The following KCNG4 variants were observed in gnomAD, a reference collection of about 807,000 sequenced individuals.
The protein encoded by KCNG4 is voltage-gated potassium channel regulatory subunit KCNG4.
In KCNG4, 30 loss-of-function variants were observed where a neutral mutation model predicts 28.2. The ratio of observed to expected loss-of-function variants is 1.06; its 90% CI spans 0.80 to 1.44. The LOEUF is 1.44. Among genes scored for constraint, KCNG4 ranks in the 40% most tolerant of loss-of-function variants. The pLI is 0.00. For missense variants in KCNG4, 879 were observed against 712.3 expected, an observed-to-expected ratio of 1.23 and a Z score of -2.66; for synonymous variants, 375 against 315.5, an observed-to-expected ratio of 1.19 and a Z score of -2.00.
intron 2 of KCNG4, among the ~76,000 whole-genome samples, chr16:84,232,578 C>T (rs756874951): frequency 3.9e-5 from 6 of 152,036 alleles, no homozygotes; most frequent in Non-Finnish European, 7.4e-5. Context: ...TGCTCAATTT[C>T]ATGTTATGTA....
At chr16:84,233,396 G>A (rs113403018) in intron 2 of KCNG4, among the ~76,000 whole-genome samples, 61 of 152,274 alleles carry the variant, frequency 4.0e-4, no homozygotes, top group African/African-American at 1.3e-3. Flanking sequence ...GACTAGAGGC[G>A]AAGTGGCCCA....
At chr16:84,236,562 T>C in intron 2 of KCNG4, 168 bp downstream of exon 2, 1 of 886,938 alleles carries the variant, frequency 1.1e-6, no homozygotes, top group Non-Finnish European at 1.6e-6. Context: ...AGATGGAAAA[T>C]TATCTTTTAT....
In KCNG4 at chr16:84,222,479, A is replaced by G. The variant is rs867981926; in HGVS notation, c.1298T>C (p.Met433Thr). The change falls in exon 3 of 3, where the codon ATG becomes ACG. Residue 433 changes from methionine to threonine, a missense_variant. Physicochemically the swap from Met to Thr is moderately conservative, Grantham distance 81. Coordinates refer to ENST00000308251, the MANE Select transcript of KCNG4 (RefSeq NM_172347.3). ...GCTCAGGATGCTGCTGAGGGCCACC[A>G]TCTGGCCTGGCACACTGCGGGGCAC... ...DMVPRSVPGQMVALSSILSGI... is the reference protein window; with the variant it reads ...DMVPRSVPGQTVALSSILSGI... The G allele has an allele frequency of 3.1e-6, 5 of 1,613,780 alleles. No homozygotes were observed. The African/African-American group carries it at 4.0e-5, about 13-fold the overall frequency.
chr16:84,237,079 T>A lies in KCNG4; in HGVS notation c.407A>T (p.Gln136Leu), dbSNP rs375162536. The A allele has an allele frequency of 8.1e-6, 13 of 1,613,956 alleles. No individual in the cohort carries two copies. Among genetic ancestry groups the A allele is most frequent in the Non-Finnish European group, 9.3e-6 (11 of 1,180,008 alleles). ...FLAAGKLVLL[Q>L]EMCALSFQEE... Reference sequence around the variant, plus strand: ...CTGGAAGGACAGCGCGCACATCTCCTGCAGAAGCACCAGCTTCCCGGCCGC... The same window carrying A: ...CTGGAAGGACAGCGCGCACATCTCCAGCAGAAGCACCAGCTTCCCGGCCGC... The change falls in exon 2 of 3, where the codon CAG (glutamine) becomes CTG (leucine). Residue 136 changes from glutamine (Q) to leucine (L), a missense_variant. Transcript: ENST00000308251.
chr16:84,224,616 G>A (rs1904656267), intron 2 of KCNG4, among the ~76,000 whole-genome samples: 1 of 152,210 alleles, frequency 6.6e-6, no homozygotes, highest in Non-Finnish European at 1.5e-5. Flanking sequence ...CCTGGCTGCT[G>A]GAGAAAGAGA....
rs1194274599 is a variant in KCNG4, at chr16:84,226,804, G to C, written c.757-3784C>G. Among the ~76,000 whole-genome samples the C allele has an allele frequency of 6.6e-6, 1 of 151,794 alleles. No individual in the cohort carries two copies. Among genetic ancestry groups the C allele is most frequent in the Non-Finnish European group, 1.5e-5 (1 of 67,930 alleles). On this transcript the variant is annotated intron_variant, in intron 2 of 2. Transcript: ENST00000308251. The surrounding 1 kb of genome is among the most constrained non-coding windows in gnomAD (Gnocchi z 4.1). Reference sequence around the variant, plus strand: ...TGAGGCAGGAGAATGGCTTGGACCTGGTAGGCGGAGGTTGCAGTGAGCCGA... The same window carrying C: ...TGAGGCAGGAGAATGGCTTGGACCTCGTAGGCGGAGGTTGCAGTGAGCCGA...
intron 2 of KCNG4, among the ~76,000 whole-genome samples, chr16:84,229,151 T>G (rs441440): frequency 0.025 from 3,763 of 152,016 alleles, 172 homozygotes; most frequent in African/African-American, 0.087. Context: ...AACACAAAAA[T>G]TAGCCTGGCG....
rs1905059461 is a variant in KCNG4, at chr16:84,239,925, T to C, written c.-296A>G. On this transcript the variant is annotated 5_prime_UTR_variant, in exon 1 of 3. Transcript: ENST00000308251. ...CCTGGGGGATTGAGGTGGGATTTTT[T>C]TTTTTTTTTAAAGGACCCAGAAGTC... Among the ~76,000 whole-genome samples the C allele has an allele frequency of 6.6e-6, 1 of 151,642 alleles. No homozygotes were observed. Among genetic ancestry groups the C allele is most frequent in the Admixed American group, 6.6e-5 (1 of 15,236 alleles).
At chr16:84,238,451 G>A (rs917846898) in intron 1 of KCNG4, among the ~76,000 whole-genome samples, 8 of 152,162 alleles carry the variant, frequency 5.3e-5, no homozygotes, top group African/African-American at 1.4e-4. Flanking sequence ...CTAAGGGGAC[G>A]GAGGAGCATT....
intron 2 of KCNG4, among the ~76,000 whole-genome samples, chr16:84,228,819 G>T (rs1315176590): frequency 6.6e-6 from 1 of 152,260 alleles, no homozygotes. Context: ...GACCCGCTGA[G>T]GGATGCTGCA....
rs549240917 is a variant in KCNG4 at position 84,222,585 on chromosome 16, G to A, written c.1192C>T (p.Arg398Trp). Residue 398 changes from arginine (R) to tryptophan (W), a missense_variant, in exon 3 of 3, where the codon CGG becomes TGG. Coordinates refer to ENST00000308251, the MANE Select transcript of KCNG4 (RefSeq NM_172347.3). ...LVYVAEKESG[R>W]VLEFTSIPAS... ...GGGATGCTGGTGAACTCCAGCACCC[G>A]CCCGGACTCCTTCTCGGCCACGTAG... The A allele has an allele frequency of 1.0e-4, 168 of 1,613,198 alleles. 2 individuals carry two copies. In the South Asian group the frequency reaches 1.5e-3, roughly 14 times the overall value.
chr16:84,225,901 G>C (rs1383948053), intron 2 of KCNG4, among the ~76,000 whole-genome samples: 2 of 152,246 alleles, frequency 1.3e-5, no homozygotes, highest in Non-Finnish European at 2.9e-5. Flanking sequence ...CCTCAGAAAT[G>C]CTGGCATTGG....
At position 84,222,791 on chromosome 16, in the gene KCNG4, A is replaced by C; in HGVS notation, c.986T>G (p.Leu329Arg). The change falls in exon 3 of 3, where the codon CTG becomes CGG. Residue 329 changes from leucine (L) to arginine (R), a missense_variant. Physicochemically the swap from Leu to Arg is moderately radical, Grantham distance 102 (BLOSUM62 -2). Transcript: ENST00000308251. ...DGERPSGSSY[L>R]EKVGLVLRVL... is the part of the protein sequence containing the mutation. ...ACGCAGGACCAGCCCCACCTTCTCC[A>C]GGTAGGAGCTCCCGCTCGGCCTCTC... 3 of 1,610,376 alleles carry C rather than the reference A, an allele frequency of 1.9e-6. No individual in the cohort carries two copies. Among genetic ancestry groups the C allele is most frequent in the Non-Finnish European group, 2.5e-6 (3 of 1,177,400 alleles).
chr16:84,222,399 A>T lies in KCNG4; in HGVS notation c.1378T>A (p.Ser460Thr). Reference protein sequence around the residue: ...ATSIFHTFSHSYLELKKEQEQ... With the variant: ...ATSIFHTFSHTYLELKKEQEQ... Reference sequence around the variant, plus strand: ...TGCTCCTTCTTGAGCTCCAGGTAGGAGTGGGAGAAGGTGTGGAAGATAGAC... The same window carrying T: ...TGCTCCTTCTTGAGCTCCAGGTAGGTGTGGGAGAAGGTGTGGAAGATAGAC... The change falls in exon 3 of 3, where the codon TCC (serine) becomes ACC (threonine). Residue 460 changes from serine to threonine, a missense_variant. Physicochemically the swap from Ser to Thr is moderately conservative, Grantham distance 58. Coordinates refer to ENST00000308251, the MANE Select transcript of KCNG4 (RefSeq NM_172347.3). 14 of 1,614,032 alleles carry T rather than the reference A, an allele frequency of 8.7e-6. No homozygotes were observed. Among genetic ancestry groups the T allele is most frequent in the Non-Finnish European group, 1.2e-5 (14 of 1,179,988 alleles).
At position 84,237,361 on chromosome 16, in the gene KCNG4, C is replaced by T. The variant is rs758526773; in HGVS notation, c.125G>A (p.Arg42Gln). Residue 42 changes from arginine (R) to glutamine (Q), a missense_variant, in exon 2 of 3, where the codon CGG becomes CAG. Physicochemically the swap from Arg to Gln is conservative, Grantham distance 43. Transcript: ENST00000308251. ...ETPSIKGLYYRRVRKVGALDA... is the reference protein window; with the variant it reads ...ETPSIKGLYYQRVRKVGALDA... ...CAGGGCACCCACCTTCCGCACCCTCCGGTAGTAAAGGCCCTTGATGGACGG... is the reference window on the plus strand; with the variant it reads ...CAGGGCACCCACCTTCCGCACCCTCTGGTAGTAAAGGCCCTTGATGGACGG... 2.1e-5 allele frequency: 32 copies of T among 1,555,178 alleles called. No homozygotes were observed. Among genetic ancestry groups the T allele is most frequent in the South Asian group, 2.5e-5 (2 of 80,300 alleles).
In KCNG4 at chr16:84,226,175, G is replaced by T. The variant is rs187560123; in HGVS notation, c.757-3155C>A. Reference sequence around the variant, plus strand: ...TGGCTCCTTCCTGCAATGAAGAAGAGCAAGCGTCAGCCTGGAGAAGGCCCA... The same window carrying T: ...TGGCTCCTTCCTGCAATGAAGAAGATCAAGCGTCAGCCTGGAGAAGGCCCA... On this transcript the variant is annotated intron_variant, in intron 2 of 2. Transcript: ENST00000308251. The surrounding 1 kb of genome is among the most constrained non-coding windows in gnomAD (Gnocchi z 4.1). Among the ~76,000 whole-genome samples, 19 of 152,318 alleles carry T rather than the reference G, an allele frequency of 1.2e-4. No individual in the cohort carries two copies. In the East Asian group the frequency reaches 3.7e-3, roughly 29 times the overall value.
intron 2 of KCNG4, among the ~76,000 whole-genome samples, chr16:84,235,041 C>A (rs776435060): frequency 1.3e-5 from 2 of 152,136 alleles, no homozygotes; most frequent in Non-Finnish European, 2.9e-5. Context: ...TCTCTCTTGT[C>A]CCAGGAGGAG....
chr16:84,222,606 C>T lies in KCNG4; in HGVS notation c.1171G>A (p.Val391Met), dbSNP rs762800555. 9.3e-6 allele frequency: 15 copies of T among 1,613,202 alleles called. No individual in the cohort carries two copies. The highest frequency in any genetic ancestry group is 4.5e-5 in the East Asian group (2 of 44,884). The change falls in exon 3 of 3, where the codon GTG becomes ATG. Residue 391 changes from valine (V) to methionine (M), a missense_variant. Transcript: ENST00000308251. The part of the protein sequence containing the change: ...AITLFSPLVY[V>M]AEKESGRVLE... ...ACCCGCCCGGACTCCTTCTCGGCCACGTAGACCAAAGGGGAGAAGAGGGTG... is the reference window on the plus strand; with the variant it reads ...ACCCGCCCGGACTCCTTCTCGGCCATGTAGACCAAAGGGGAGAAGAGGGTG...
At chr16:84,224,451 T>C (rs35556209) in intron 2 of KCNG4, among the ~76,000 whole-genome samples, 13,770 of 129,892 alleles carry the variant, frequency 0.11, 691 homozygotes, top group African/African-American at 0.16. Context: ...GATATGTATA[T>C]TTGATGGATG....
Sources: gnomAD v4.1 joint callset for allele counts (sites outside exome capture counted in the v4.1 genomes callset) on GRCh38, gnomAD v4.1.1 for gene constraint, Gnocchi (gnomAD v3.1) non-coding constraint, MANE v1.5 for transcripts, NCBI Gene and HGNC (gene_info 2026-07-23, HGNC 2026-07-21) for gene names.